Variants in CTNNA3 observed in about 807,000 individuals in gnomAD.
The protein encoded by CTNNA3 is catenin alpha 3.
In CTNNA3, 76 loss-of-function variants were observed where a neutral mutation model predicts 95.7. The observed-to-expected ratio is 0.79, with a 90% CI of 0.66 to 0.96. The LOEUF is 0.96. Among genes scored for constraint, CTNNA3 ranks in the 40% least tolerant of loss-of-function variants. The pLI, the probability that CTNNA3 is intolerant of heterozygous loss-of-function variation, is 0.00. For synonymous variants in CTNNA3, 431 were observed against 374.4 expected (o/e 1.15, Z -1.74); for missense variants, 1,191 against 1,089.8 (o/e 1.09, Z -1.31).
chr10:66,728,622 C>T (rs1848852339), intron 9 of CTNNA3, among the ~76,000 whole-genome samples: 1 of 152,086 alleles, frequency 6.6e-6, no homozygotes. Context: ...CAGAGTCTCA[C>T]TCCGTCACCC....
At chr10:67,043,834 C>A (rs1333939360) in intron 7 of CTNNA3, among the ~76,000 whole-genome samples, 1 of 151,862 alleles carries the variant, frequency 6.6e-6, no homozygotes, top group East Asian at 1.9e-4. Flanking sequence ...ACAGTGAGGA[C>A]TACTTTTTTT....
intron 9 of CTNNA3, among the ~76,000 whole-genome samples, chr10:66,670,357 G>A (rs75584747): frequency 3.3e-3 from 504 of 152,202 alleles, no homozygotes; most frequent in Non-Finnish European, 5.5e-3. Context: ...GTACTTCCAC[G>A]CCAAGGTCAG....
chr10:67,085,632 A>G (rs1267095493), intron 7 of CTNNA3, among the ~76,000 whole-genome samples: 8 of 152,038 alleles, frequency 5.3e-5, no homozygotes, highest in Non-Finnish European at 7.4e-5. Flanking sequence ...GTCATATAAA[A>G]ATTTGAAATA....
chr10:66,801,969 A>G (rs995068006), intron 7 of CTNNA3, among the ~76,000 whole-genome samples: 1 of 151,812 alleles, frequency 6.6e-6, no homozygotes, highest in African/African-American at 2.4e-5. Flanking sequence ...ATAAATATTT[A>G]CAAAGCCTTC....
intron 17 of CTNNA3, 32 bp from the exon 18 acceptor site, chr10:65,920,649 A>G (rs752462840): frequency 1.3e-6 from 2 of 1,594,600 alleles, no homozygotes; most frequent in East Asian, 4.5e-5. Flanking sequence ...AAGAGCTATT[A>G]TTCCAGGAGG....
At chr10:66,759,719 A>G (rs1839528334) in intron 9 of CTNNA3, among the ~76,000 whole-genome samples, 1 of 152,222 alleles carries the variant, frequency 6.6e-6, no homozygotes, top group South Asian at 2.1e-4. Context: ...GCTATTGAGC[A>G]CTTAAAATGT....
chr10:66,418,138 A>G (rs959729914), intron 11 of CTNNA3, among the ~76,000 whole-genome samples: 8 of 151,296 alleles, frequency 5.3e-5, no homozygotes, highest in Admixed American at 4.6e-4. Flanking sequence ...TACGAGCTAG[A>G]CTAACAAAGA....
chr10:66,455,320 C>T (rs180814581), intron 11 of CTNNA3, among the ~76,000 whole-genome samples: 130 of 152,174 alleles, frequency 8.5e-4, no homozygotes, highest in African/African-American at 3.0e-3. Context: ...ATATAACTGT[C>T]CCTATTTACA....
At chr10:66,832,417 T>C (rs1842752297) in intron 7 of CTNNA3, among the ~76,000 whole-genome samples, 1 of 152,132 alleles carries the variant, frequency 6.6e-6, no homozygotes, top group Non-Finnish European at 1.5e-5. Context: ...CGGGAAAATT[T>C]GAAGTTCCGG....
At chr10:66,252,130 A>G (rs896622891) in intron 13 of CTNNA3, among the ~76,000 whole-genome samples, 3 of 152,210 alleles carry the variant, frequency 2.0e-5, no homozygotes, top group Non-Finnish European at 4.4e-5. Context: ...AGAGTAAAAA[A>G]GACAATGATA....
chr10:66,287,631 T>C (rs1304618831), intron 12 of CTNNA3, among the ~76,000 whole-genome samples: 1 of 152,032 alleles, frequency 6.6e-6, no homozygotes, highest in Non-Finnish European at 1.5e-5. Context: ...TAAAATCAGA[T>C]TGGCATTAGA....
At chr10:66,322,489 T>A (rs768515896) in intron 12 of CTNNA3, among the ~76,000 whole-genome samples, 10 of 152,030 alleles carry the variant, frequency 6.6e-5, no homozygotes, top group African/African-American at 2.4e-4. Context: ...GTGAGGCAGC[T>A]GGAATTTGTA....
intron 5 of CTNNA3, among the ~76,000 whole-genome samples, chr10:67,311,587 C>T (rs535316081): frequency 1.0e-3 from 159 of 152,224 alleles, no homozygotes; most frequent in African/African-American, 3.6e-3. Flanking sequence ...AAAACTCAAT[C>T]AACCATTAAA....
At chr10:67,570,660 C>T (rs1841947541) in intron 3 of CTNNA3, among the ~76,000 whole-genome samples, 1 of 152,184 alleles carries the variant, frequency 6.6e-6, no homozygotes, top group Non-Finnish European at 1.5e-5. Context: ...AACTCAGCAT[C>T]TTCTTCACAA....
At chr10:66,667,952 G>T (rs1467846819) in intron 9 of CTNNA3, among the ~76,000 whole-genome samples, 1 of 152,048 alleles carries the variant, frequency 6.6e-6, no homozygotes, top group Non-Finnish European at 1.5e-5. Context: ...GCCCATTAAA[G>T]TATCACAGAA....
At position 66,346,222 on chromosome 10, in the gene CTNNA3, TATATATATATATATATATATATATAGAG is replaced by T. The variant is rs1395637796; in HGVS notation, c.1732+32902_1732+32929del. On this transcript the variant is annotated intron_variant, in intron 12 of 17. Coordinates refer to ENST00000433211, the MANE Select transcript of CTNNA3 (RefSeq NM_013266.4). ...AAGTATGTGTGTGTGTATATATATA[TATATATATATATATATATATATATAGAG>T]AGAGAGAGAGAGAGAGAGAGAGAGA... 1.2e-4 allele frequency among the ~76,000 whole-genome samples: 11 copies of T among 89,672 alleles called. No individual in the cohort carries two copies. The East Asian group carries it at 1.5e-3, about 12-fold the overall frequency. The allele number at this position is 89,672 out of a possible 152,430, so 58.8% of individuals were successfully genotyped here.
In CTNNA3 at chr10:66,290,926, T is replaced by C. The variant is rs113112029; in HGVS notation, c.1733-10305A>G. Reference sequence around the variant, plus strand: ...GCTAATGATGTAAATTGATATTCTCTTGTGAAAATGAAAGTGACTTGTATC... The same window carrying C: ...GCTAATGATGTAAATTGATATTCTCCTGTGAAAATGAAAGTGACTTGTATC... On this transcript the variant is annotated intron_variant, in intron 12 of 17. Transcript: ENST00000433211. Among the ~76,000 whole-genome samples, 615 of 152,298 alleles carry C rather than the reference T, an allele frequency of 4.0e-3. 1 individual carries two copies. The highest frequency in any genetic ancestry group is 6.8e-3 in the Middle Eastern group (2 of 294).
intron 15 of CTNNA3, among the ~76,000 whole-genome samples, chr10:66,054,355 G>A (rs1397659570): frequency 6.6e-6 from 1 of 152,136 alleles, no homozygotes; most frequent in Non-Finnish European, 1.5e-5. Flanking sequence ...TAGTGTACAA[G>A]AGTTTCCCTT....
chr10:66,482,402 G>C lies in CTNNA3; in HGVS notation c.1531+38215C>G, dbSNP rs1396302568. ...ATTTTACTGAGGCTTTAAATAAAAT[G>C]CCTCATTTAATCATGACACTATCCC... On this transcript the variant is annotated intron_variant, in intron 11 of 17. Coordinates refer to ENST00000433211, the MANE Select transcript of CTNNA3 (RefSeq NM_013266.4). 2.0e-5 allele frequency among the ~76,000 whole-genome samples: 3 copies of C among 151,808 alleles called. No homozygotes were observed. The East Asian group carries it at 5.8e-4, about 29-fold the overall frequency.
Sources: gnomAD v4.1 joint callset for allele counts (sites outside exome capture counted in the v4.1 genomes callset) on GRCh38, gnomAD v4.1.1 for gene constraint, MANE v1.5 for transcripts, NCBI Gene and HGNC (gene_info 2026-07-23, HGNC 2026-07-21) for gene names.